Variants in SETBP1 observed in about 807,000 individuals in gnomAD.
The protein encoded by SETBP1 is SET binding protein 1.
SETBP1 carries 9 observed loss-of-function variants against 101.0 expected under a neutral mutation model. The ratio of observed to expected loss-of-function variants is 0.09; its 90% CI spans 0.05 to 0.16. The LOEUF is 0.16. Ranked by LOEUF, SETBP1 falls within the 10% of genes least tolerant of loss-of-function variation. SETBP1 has a pLI of 1.00. For missense variants in SETBP1, 1,858 were observed against 2,033.8 expected (o/e 0.91, Z 1.66); for synonymous variants, 818 against 788.5 (o/e 1.04, Z -0.63).
chr18:45,011,862 T>C (rs773727085), intron 4 of SETBP1, among the ~76,000 whole-genome samples: 1 of 152,122 alleles, frequency 6.6e-6, no homozygotes, highest in African/African-American at 2.4e-5. Context: ...AAATAATCCA[T>C]AGAAAATGCC....
At chr18:44,802,899 T>G (rs948050601) in intron 2 of SETBP1, among the ~76,000 whole-genome samples, 1 of 152,084 alleles carries the variant, frequency 6.6e-6, no homozygotes, top group South Asian at 2.1e-4. Flanking sequence ...TTGTTTTTTG[T>G]TTTTGTTTTG....
intron 3 of SETBP1, among the ~76,000 whole-genome samples, chr18:44,912,524 C>A (rs1343793399): frequency 6.6e-6 from 1 of 151,944 alleles, no homozygotes; most frequent in African/African-American, 2.4e-5. Flanking sequence ...GAGACAGAGT[C>A]TGGCTGCCTC....
At chr18:44,787,643 A>G (rs2092542858) in intron 2 of SETBP1, among the ~76,000 whole-genome samples, 1 of 149,914 alleles carries the variant, frequency 6.7e-6, no homozygotes, top group Non-Finnish European at 1.5e-5. Flanking sequence ...TCATGAGGTC[A>G]GGAGATCGAG....
At chr18:44,724,925 A>G (rs2069673827) in intron 2 of SETBP1, among the ~76,000 whole-genome samples, 1 of 152,238 alleles carries the variant, frequency 6.6e-6, no homozygotes, top group African/African-American at 2.4e-5. Context: ...CAAGAATATT[A>G]TTAAATTACT....
chr18:44,848,075 GTGTGT>G (rs2072759630), intron 2 of SETBP1, among the ~76,000 whole-genome samples: 1 of 59,292 alleles, frequency 1.7e-5, no homozygotes, highest in East Asian at 4.1e-4. Flanking sequence ...CTCTGAAGGT[GTGTGT>G]GTGTGTGTGT....
chr18:44,803,574 C>T (rs1747273284), intron 2 of SETBP1, among the ~76,000 whole-genome samples: 1 of 152,070 alleles, frequency 6.6e-6, no homozygotes, highest in South Asian at 2.1e-4. Flanking sequence ...TTCACTTTTC[C>T]TCTTCCAGCT....
chr18:44,985,254 A>T (rs969353036), intron 4 of SETBP1, among the ~76,000 whole-genome samples: 4 of 152,230 alleles, frequency 2.6e-5, no homozygotes, highest in African/African-American at 9.6e-5. Context: ...AAAGTCTTAA[A>T]AAAAAAAGTT....
At chr18:45,029,626 G>C (rs2073247188) in intron 4 of SETBP1, among the ~76,000 whole-genome samples, 1 of 152,134 alleles carries the variant, frequency 6.6e-6, no homozygotes, top group Admixed American at 6.5e-5. Flanking sequence ...TCATGATATT[G>C]ATTCTTCCCA....
At chr18:44,850,475 A>G (rs759476626) in intron 2 of SETBP1, among the ~76,000 whole-genome samples, 11 of 151,902 alleles carry the variant, frequency 7.2e-5, no homozygotes, top group Non-Finnish European at 1.5e-4. Flanking sequence ...GGTTCAAGCA[A>G]TTCTCCTGTC....
At chr18:44,958,463 G>A (rs969072794) in intron 4 of SETBP1, among the ~76,000 whole-genome samples, 8 of 152,094 alleles carry the variant, frequency 5.3e-5, no homozygotes, top group African/African-American at 2.4e-5. Context: ...ATTTTTATGG[G>A]AACAGACAGG....
At chr18:44,907,744 A>G (rs2070208648) in intron 3 of SETBP1, among the ~76,000 whole-genome samples, 1 of 152,222 alleles carries the variant, frequency 6.6e-6, no homozygotes, top group Admixed American at 6.5e-5. Context: ...TGTTCTGGAT[A>G]GAAGTCTTTA....
At chr18:44,825,365 G>A (rs573105587) in intron 2 of SETBP1, among the ~76,000 whole-genome samples, 37 of 152,290 alleles carry the variant, frequency 2.4e-4, no homozygotes, top group Non-Finnish European at 4.7e-4. Context: ...CATCTTATAT[G>A]ACAGTTTTTG....
intron 5 of SETBP1, among the ~76,000 whole-genome samples, chr18:45,055,105 T>A (rs1158301441): frequency 6.6e-6 from 1 of 152,188 alleles, no homozygotes; most frequent in Admixed American, 6.5e-5. Context: ...GTGTTCTTTG[T>A]TTTGAAGGGT....
At chr18:44,801,581 C>T (rs2071608827) in intron 2 of SETBP1, among the ~76,000 whole-genome samples, 1 of 152,124 alleles carries the variant, frequency 6.6e-6, no homozygotes, top group African/African-American at 2.4e-5. Flanking sequence ...TGTGCATGTG[C>T]ACAGGTTTGC....
At chr18:44,978,273 A>G (rs542503313) in intron 4 of SETBP1, among the ~76,000 whole-genome samples, 3 of 152,206 alleles carry the variant, frequency 2.0e-5, no homozygotes, top group Middle Eastern at 3.4e-3. Flanking sequence ...CCCTCACCAC[A>G]TTTATTTCCT....
At chr18:44,924,801 G>T (rs2070661763) in intron 3 of SETBP1, among the ~76,000 whole-genome samples, 1 of 152,028 alleles carries the variant, frequency 6.6e-6, no homozygotes, top group African/African-American at 2.4e-5. Context: ...CTCAACCTTG[G>T]GGATAACTGA....
At chr18:44,765,260 G>GA (rs761559493) in intron 2 of SETBP1, among the ~76,000 whole-genome samples, 3,433 of 144,502 alleles carry the variant, frequency 0.024, 67 homozygotes, top group African/African-American at 0.05. Flanking sequence ...CCCTCTGTAG[G>GA]AAAAAAAAAA....
chr18:44,824,939 C>T (rs564280088), intron 2 of SETBP1, among the ~76,000 whole-genome samples: 1 of 152,352 alleles, frequency 6.6e-6, no homozygotes, highest in African/African-American at 2.4e-5. Context: ...GGCGACTGCT[C>T]CTCTCCTGCT....
chr18:44,813,668 GAC>G (rs1001510068), intron 2 of SETBP1, among the ~76,000 whole-genome samples: 1 of 152,214 alleles, frequency 6.6e-6, no homozygotes, highest in Non-Finnish European at 1.5e-5. Context: ...TCTGAGGAAA[GAC>G]AGAGAACATG....
Sources: allele counts gnomAD v4.1 joint callset (sites outside exome capture counted in the v4.1 genomes callset), GRCh38; gene constraint gnomAD v4.1.1; transcripts MANE v1.5; gene names NCBI Gene and HGNC (gene_info 2026-07-23, HGNC 2026-07-21).